The following YAF2 variants were observed in gnomAD, a reference collection of about 807,000 sequenced individuals.
The protein encoded by YAF2 is YY1 associated factor 2, also known as YY1-associated factor 2.
In YAF2, 7 loss-of-function variants were observed where a neutral mutation model predicts 20.1. The ratio of observed to expected loss-of-function variants is 0.35; its 90% CI spans 0.20 to 0.65. The LOEUF is 0.65. Among genes scored for constraint, YAF2 ranks in the 30% least tolerant of loss-of-function variants. YAF2 has a pLI of 0.69. For synonymous variants in YAF2, 74 were observed against 76.0 expected, an observed-to-expected ratio of 0.97 and a Z score of 0.14; for missense variants, 151 against 219.2, an observed-to-expected ratio of 0.69 and a Z score of 1.96.
intron 2 of YAF2, chr12:42,205,880 T>C (rs182277123): frequency 4.8e-6 from 2 of 419,276 alleles, no homozygotes; most frequent in Non-Finnish European, 9.5e-6. Context: ...TACAACACTT[T>C]TGTTGTGATT....
intron 1 of YAF2, 30 bp downstream of exon 1, chr12:42,238,125 G>C: frequency 6.5e-7 from 1 of 1,527,282 alleles, no homozygotes; most frequent in South Asian, 1.2e-5. Flanking sequence ...CGCCCGCACA[G>C]TCCGGGCCCC....
intron 2 of YAF2, among the ~76,000 whole-genome samples, chr12:42,178,232 C>T (rs376882542): frequency 3.9e-5 from 6 of 152,092 alleles, no homozygotes; most frequent in African/African-American, 1.4e-4. Flanking sequence ...GTTTTCAACC[C>T]TGGCTACACA....
At position 42,159,410 on chromosome 12, in the gene YAF2, C is replaced by G. The variant is rs2065757555; in HGVS notation, c.*1179G>C. ...GAAATTCTAAATACAACATAAAACT[C>G]TTTAAATAGTTGTAAACAAAAATGC... is the stretch of plus-strand genomic sequence containing the variant. On this transcript the variant is annotated 3_prime_UTR_variant, in exon 4 of 4. Coordinates refer to ENST00000534854, the MANE Select transcript of YAF2 (RefSeq NM_005748.6). 2 of 152,000 alleles carry G rather than the reference C, an allele frequency of 1.3e-5. No homozygotes were observed. The highest frequency in any genetic ancestry group is 4.1e-4 in the South Asian group (2 of 4,828). The allele number at this position is 152,000 out of a possible 1,614,324, so 9.4% of individuals were successfully genotyped here. A position where few individuals can be genotyped will look rare whatever the true frequency, so the allele number is the denominator to read the frequency against.
At chr12:42,188,992 G>A (rs2066543736) in intron 2 of YAF2, among the ~76,000 whole-genome samples, 1 of 152,120 alleles carries the variant, frequency 6.6e-6, no homozygotes, top group Admixed American at 6.6e-5. Flanking sequence ...AGGTAATGCT[G>A]AGACTATACC....
intron 2 of YAF2, chr12:42,210,717 A>T (rs1246557358): frequency 6.6e-7 from 1 of 1,513,470 alleles, no homozygotes; most frequent in Non-Finnish European, 8.8e-7. Flanking sequence ...TTTATTTGAG[A>T]TTATTATCAC....
chr12:42,195,428 C>T (rs2066724570), intron 2 of YAF2, among the ~76,000 whole-genome samples: 1 of 151,888 alleles, frequency 6.6e-6, no homozygotes, highest in African/African-American at 2.4e-5. Context: ...AAAAGTATTA[C>T]CAGAATTTAA....
chr12:42,209,520 C>T (rs1418605876), intron 2 of YAF2, among the ~76,000 whole-genome samples: 2 of 135,418 alleles, frequency 1.5e-5, no homozygotes, highest in South Asian at 2.3e-4. Flanking sequence ...GCCAAGATCA[C>T]ACCACTGCAC....
chr12:42,181,064 A>G (rs2066330293), intron 2 of YAF2, among the ~76,000 whole-genome samples: 1 of 152,242 alleles, frequency 6.6e-6, no homozygotes, highest in Non-Finnish European at 1.5e-5. Context: ...ATCTTTATAT[A>G]TTACATAGAA....
chr12:42,208,116 G>A (rs1008173918), intron 2 of YAF2, among the ~76,000 whole-genome samples: 1 of 152,002 alleles, frequency 6.6e-6, no homozygotes, highest in African/African-American at 2.4e-5. Flanking sequence ...TTTTTAAAAA[G>A]AGCTGTATAT....
chr12:42,168,150 T>G (rs1482226660), intron 2 of YAF2, among the ~76,000 whole-genome samples: 1 of 151,796 alleles, frequency 6.6e-6, no homozygotes, highest in African/African-American at 2.4e-5. Context: ...TCCCATCACG[T>G]CTATCTCAAG....
At chr12:42,185,739 A>G (rs1286474044) in intron 2 of YAF2, among the ~76,000 whole-genome samples, 1 of 152,216 alleles carries the variant, frequency 6.6e-6, no homozygotes, top group Non-Finnish European at 1.5e-5. Context: ...GTTTTTGGAT[A>G]TAATGCTATT....
chr12:42,211,699 G>A (rs569533361), intron 2 of YAF2, among the ~76,000 whole-genome samples: 10 of 145,244 alleles, frequency 6.9e-5, no homozygotes, highest in South Asian at 4.4e-4. Flanking sequence ...GAGCCAAGTC[G>A]TGCCATTGCA....
At chr12:42,177,620 T>C (rs1047445506) in intron 2 of YAF2, among the ~76,000 whole-genome samples, 34 of 152,194 alleles carry the variant, frequency 2.2e-4, no homozygotes, top group African/African-American at 8.2e-4. Flanking sequence ...GAGGGCTTCA[T>C]TCAGTATGTG....
At chr12:42,173,103 A>C (rs1007137099) in intron 2 of YAF2, among the ~76,000 whole-genome samples, 4 of 152,058 alleles carry the variant, frequency 2.6e-5, no homozygotes, top group Admixed American at 2.0e-4. Context: ...AAATTCTTCT[A>C]AATACTAGAG....
chr12:42,218,163 A>G (rs2067411485), intron 2 of YAF2, among the ~76,000 whole-genome samples: 3 of 147,848 alleles, frequency 2.0e-5, no homozygotes, highest in Admixed American at 6.9e-5. Flanking sequence ...TTTATGTGAC[A>G]GTCTACATCA....
At chr12:42,228,567 A>G (rs1466365523) in intron 2 of YAF2, among the ~76,000 whole-genome samples, 2 of 50,858 alleles carry the variant, frequency 3.9e-5, no homozygotes, top group Admixed American at 3.6e-4. Flanking sequence ...GGAAGTGAGG[A>G]GCCCCTCTGC....
chr12:42,187,530 A>G (rs1415003858), intron 2 of YAF2, among the ~76,000 whole-genome samples: 2 of 152,114 alleles, frequency 1.3e-5, no homozygotes, highest in East Asian at 1.9e-4. Flanking sequence ...TGTTCCAAGA[A>G]TACTAAAGAT....
chr12:42,218,186 ACACACAC>A (rs1443075005), intron 2 of YAF2, among the ~76,000 whole-genome samples: 1 of 5,332 alleles, frequency 1.9e-4, no homozygotes, highest in East Asian at 5.6e-3. Context: ...CTACTAGGAA[ACACACAC>A]ACACACACAC....
At chr12:42,176,560 A>G (rs1164000696) in intron 2 of YAF2, among the ~76,000 whole-genome samples, 1 of 152,176 alleles carries the variant, frequency 6.6e-6, no homozygotes, top group Non-Finnish European at 1.5e-5. Flanking sequence ...TTTTCCTCTC[A>G]TACTCACATC....
Sources: gnomAD v4.1 joint callset for allele counts (sites outside exome capture counted in the v4.1 genomes callset) on GRCh38, gnomAD v4.1.1 for gene constraint, MANE v1.5 for transcripts, NCBI Gene and HGNC (gene_info 2026-07-23, HGNC 2026-07-21) for gene names.